BICD1: variants seen among roughly 807,000 people sequenced by gnomAD.
BICD1 encodes the protein protein bicaudal D homolog 1.
A neutral mutation model predicts 92.5 loss-of-function variants in BICD1; 35 were observed. The ratio of observed to expected loss-of-function variants is 0.38; its 90% confidence interval spans 0.29 to 0.50. BICD1 has a LOEUF of 0.50. Among genes scored for constraint, BICD1 ranks in the 20% least tolerant of loss-of-function variants. BICD1 has a pLI of 0.93. For synonymous variants in BICD1, 429 were observed against 465.1 expected (o/e 0.92, Z 1.00); for missense variants, 950 against 1,189.8 (o/e 0.80, Z 2.97).
At chr12:32,316,926 A>G (rs931198997) in intron 4 of BICD1, among the ~76,000 whole-genome samples, 13 of 152,074 alleles carry the variant, frequency 8.5e-5, no homozygotes, top group African/African-American at 2.2e-4. Flanking sequence ...TCATTGTTCA[A>G]TTCCCACCTA....
chr12:32,305,514 G>A (rs902967074), intron 3 of BICD1, among the ~76,000 whole-genome samples, 183 bp from the exon 4 acceptor site: 4 of 151,206 alleles, frequency 2.6e-5, no homozygotes, highest in African/African-American at 9.7e-5. Context: ...TTTATATATG[G>A]TATATAATTT....
chr12:32,212,366 T>C (rs987963070), intron 1 of BICD1, among the ~76,000 whole-genome samples: 1 of 152,258 alleles, frequency 6.6e-6, no homozygotes, highest in South Asian at 2.1e-4. Flanking sequence ...CACAGGTTAA[T>C]TCCAGCCTAA....
At chr12:32,135,082 C>CCCCTCCCCTTCCCCTCTT (rs1942685927) in intron 1 of BICD1, among the ~76,000 whole-genome samples, 1 of 75,040 alleles carries the variant, frequency 1.3e-5, no homozygotes, top group African/African-American at 4.9e-5. Flanking sequence ...CTTCCCCGCT[C>CCCCTCCCCTTCCCCTCTT]CCCTCCTTTA....
intron 8 of BICD1, chr12:32,339,906 C>G: frequency 1.1e-6 from 1 of 904,970 alleles, no homozygotes; most frequent in Non-Finnish European, 1.3e-6. Context: ...TCTGGCAGCC[C>G]TAGGTCTGCG....
chr12:32,330,177 T>C (rs1026816228), intron 5 of BICD1, among the ~76,000 whole-genome samples: 2 of 152,190 alleles, frequency 1.3e-5, no homozygotes, highest in African/African-American at 4.8e-5. Flanking sequence ...TTGACATCTA[T>C]ACCATAAGCC....
chr12:32,238,956 A>G (rs956525944), intron 2 of BICD1, among the ~76,000 whole-genome samples: 1 of 140,136 alleles, frequency 7.1e-6, no homozygotes, highest in Admixed American at 7.1e-5. Context: ...AAAAAAAAAA[A>G]AAAAAAAAGG....
chr12:32,238,731 G>A (rs541556268), intron 2 of BICD1, among the ~76,000 whole-genome samples: 2 of 147,820 alleles, frequency 1.4e-5, no homozygotes, highest in East Asian at 4.1e-4. Flanking sequence ...GATCACCTAA[G>A]GTCAGGAGTT....
chr12:32,213,668 G>C (rs995849605), intron 1 of BICD1, among the ~76,000 whole-genome samples: 7 of 152,078 alleles, frequency 4.6e-5, no homozygotes, highest in African/African-American at 1.7e-4. Flanking sequence ...CAAAAAGCTG[G>C]GATTACAGAT....
chr12:32,173,052 T>C, intron 1 of BICD1, among the ~76,000 whole-genome samples: 1 of 140,704 alleles, frequency 7.1e-6, no homozygotes, highest in East Asian at 2.2e-4. Flanking sequence ...AGAGTTTTTT[T>C]TTTTGTTTTT....
intron 4 of BICD1, among the ~76,000 whole-genome samples, chr12:32,323,880 A>G (rs1205020982): frequency 6.6e-6 from 1 of 152,244 alleles, no homozygotes; most frequent in Non-Finnish European, 1.5e-5. Context: ...TTTGTGAAAC[A>G]TTAAAAAGTC....
At chr12:32,283,762 G>C (rs2136174304) in intron 2 of BICD1, among the ~76,000 whole-genome samples, 1 of 152,320 alleles carries the variant, frequency 6.6e-6, no homozygotes, top group Non-Finnish European at 1.5e-5. Context: ...GCTCATGTGG[G>C]TACAGGAGCA....
At chr12:32,344,883 T>C (rs1592702086) in intron 8 of BICD1, among the ~76,000 whole-genome samples, 1 of 152,218 alleles carries the variant, frequency 6.6e-6, no homozygotes, top group East Asian at 1.9e-4. Flanking sequence ...AAACCTGTAA[T>C]CTCTTAGGCT....
chr12:32,355,337 A>T (rs757282042), intron 8 of BICD1, among the ~76,000 whole-genome samples: 1 of 152,234 alleles, frequency 6.6e-6, no homozygotes, highest in Non-Finnish European at 1.5e-5. Context: ...AAATAAATCC[A>T]AGGATTTTTT....
At chr12:32,288,149 A>G (rs553376376) in intron 2 of BICD1, among the ~76,000 whole-genome samples, 79 of 151,606 alleles carry the variant, frequency 5.2e-4, no homozygotes, top group Non-Finnish European at 9.7e-4. Flanking sequence ...AGGGAATTCC[A>G]TGGGTTGTGA....
intron 2 of BICD1, among the ~76,000 whole-genome samples, chr12:32,250,449 T>C (rs1421697883): frequency 6.6e-6 from 1 of 152,218 alleles, no homozygotes; most frequent in Non-Finnish European, 1.5e-5. Flanking sequence ...AGGATGGCTA[T>C]CTAGAAAACA....
At chr12:32,120,253 G>A (rs1592328360) in intron 1 of BICD1, among the ~76,000 whole-genome samples, 2 of 151,964 alleles carry the variant, frequency 1.3e-5, no homozygotes, top group Middle Eastern at 6.8e-3. Context: ...CATCTTTACT[G>A]TTTTCCAACA....
chr12:32,106,963 T>C lies in BICD1; in HGVS notation c.-369T>C, dbSNP rs991266258. On this transcript the variant is annotated 5_prime_UTR_variant, in exon 1 of 10. The change abolishes an upstream ATG in the 5' untranslated region. Transcript: ENST00000652176. ...CTGCAGTGACGCGGCCCGGGAGACATGGCGGACGGGCGTCTCTGAATAAGC... is the reference window on the plus strand; with the variant it reads ...CTGCAGTGACGCGGCCCGGGAGACACGGCGGACGGGCGTCTCTGAATAAGC... 4.3e-6 allele frequency: 1 copy of C among 233,694 alleles called. No individual in the cohort carries two copies. The highest frequency in any genetic ancestry group is 6.3e-5 in the South Asian group (1 of 15,960). 14.5% of individuals were successfully genotyped at this position (233,694 alleles called of 1,614,324 possible). A position where few individuals can be genotyped will look rare whatever the true frequency, so the allele number is the denominator to read the frequency against.
chr12:32,240,219 A>C (rs1441692017), intron 2 of BICD1, among the ~76,000 whole-genome samples: 2 of 152,144 alleles, frequency 1.3e-5, no homozygotes, highest in African/African-American at 4.8e-5. Flanking sequence ...TGGGGGCCAT[A>C]TTAATTTTTT....
chr12:32,178,413 C>T (rs985543641), intron 1 of BICD1, among the ~76,000 whole-genome samples: 1 of 151,940 alleles, frequency 6.6e-6, no homozygotes, highest in Non-Finnish European at 1.5e-5. Context: ...TTTGACAGGG[C>T]CTGCTCTTCA....
Sources: gnomAD v4.1 joint callset for allele counts (sites outside exome capture counted in the v4.1 genomes callset) on GRCh38, gnomAD v4.1.1 for gene constraint, MANE v1.5 for transcripts, NCBI Gene and HGNC (gene_info 2026-07-23, HGNC 2026-07-21) for gene names.